The following DNTT variants were observed in gnomAD, a reference collection of about 807,000 sequenced individuals.
DNTT encodes the protein nucleosidetriphosphate:DNA deoxynucleotidylexotransferase.
Under a neutral mutation model 60.9 loss-of-function variants are expected in DNTT, and 47 were observed. The ratio of observed to expected loss-of-function variants is 0.77; its 90% CI spans 0.61 to 0.98. DNTT has a LOEUF of 0.98. DNTT is among the 50% of genes least tolerant of loss of function. The pLI, the probability that DNTT is intolerant of heterozygous loss-of-function variation, is 0.00. For missense variants in DNTT, 665 were observed against 627.5 expected, an observed-to-expected ratio of 1.06 and a Z score of -0.64; for synonymous variants, 224 against 221.2, an observed-to-expected ratio of 1.01 and a Z score of -0.11.
At chr10:96,328,513 C>CA (rs1844964865) in intron 7 of DNTT, among the ~76,000 whole-genome samples, 1 of 152,028 alleles carries the variant, frequency 6.6e-6, no homozygotes, top group South Asian at 2.1e-4. Flanking sequence ...TATACATAAT[C>CA]AGATACATGC....
intron 9 of DNTT, among the ~76,000 whole-genome samples, chr10:96,333,266 G>T (rs1019071181): frequency 6.6e-6 from 1 of 152,174 alleles, no homozygotes; most frequent in Admixed American, 6.5e-5. Flanking sequence ...ACCACAATAA[G>T]ATGTTATCTC....
chr10:96,333,984 A>G (rs975088973), intron 9 of DNTT, among the ~76,000 whole-genome samples: 1 of 152,248 alleles, frequency 6.6e-6, no homozygotes, highest in Admixed American at 6.5e-5. Flanking sequence ...TGTTCTTACC[A>G]CAAAGAAATG....
At chr10:96,307,699 G>GTA (rs1483322695) in intron 1 of DNTT, among the ~76,000 whole-genome samples, 1,467 of 68,694 alleles carry the variant, frequency 0.021, 16 homozygotes, top group East Asian at 0.038. Context: ...ATGTGTGTGT[G>GTA]TGTGTGTATA....
At chr10:96,326,197 C>T (rs963317717) in intron 6 of DNTT, among the ~76,000 whole-genome samples, 5 of 152,236 alleles carry the variant, frequency 3.3e-5, no homozygotes, top group South Asian at 2.1e-4. Flanking sequence ...GTGAGTTGTA[C>T]TTTGAATATT....
chr10:96,320,938 GTCTCTCTCTCTC>G (rs57273993), intron 4 of DNTT, 150 bp downstream of exon 4: 52,518 of 468,806 alleles, frequency 0.11, no homozygotes, highest in Middle Eastern at 0.14. Flanking sequence ...TCTCTCCTCT[GTCTCTCTCTCTC>G]TCTCTCTCTC....
At chr10:96,327,980 C>A (rs1844958464) in intron 7 of DNTT, among the ~76,000 whole-genome samples, 1 of 152,196 alleles carries the variant, frequency 6.6e-6, no homozygotes, top group Non-Finnish European at 1.5e-5. Context: ...TGAGTACCTG[C>A]AAAGCCCTTG....
At chr10:96,314,665 G>A (rs2133985563) in intron 1 of DNTT, among the ~76,000 whole-genome samples, 1 of 151,860 alleles carries the variant, frequency 6.6e-6, no homozygotes, top group African/African-American at 2.4e-5. Flanking sequence ...GCCCCCCTCA[G>A]CCTCCCAAAG....
chr10:96,334,273 C>T (rs1055823577), intron 9 of DNTT, among the ~76,000 whole-genome samples: 2 of 152,104 alleles, frequency 1.3e-5, no homozygotes, highest in Non-Finnish European at 1.5e-5. Flanking sequence ...AAAATGAGGA[C>T]GATGACCTTA....
chr10:96,320,575 G>A (rs2133988727), intron 3 of DNTT, 43 bp from the exon 4 acceptor site: 1 of 1,606,080 alleles, frequency 6.2e-7, no homozygotes, highest in South Asian at 1.1e-5. Flanking sequence ...CTGGCTCAGG[G>A]GCTTGGAAGC....
chr10:96,324,186 T>G, intron 5 of DNTT, 80 bp from the exon 6 acceptor site: 5 of 1,490,542 alleles, frequency 3.4e-6, no homozygotes, highest in African/African-American at 1.4e-5. Context: ...CTTCATTGCC[T>G]GAGACCTAGA....
chr10:96,332,337 C>T lies in DNTT; in HGVS notation c.1114-14C>T, dbSNP rs1671545413. On this transcript the variant is annotated splice_polypyrimidine_tract_variant and intron_variant, in intron 8 of 10. Transcript: ENST00000371174. ...ATCAGGGCCTTTTCCTGATGCCATT[C>T]TGTTTCTTTTCAGGGATTACTTTTA... 10 of 1,610,054 alleles carry T rather than the reference C, an allele frequency of 6.2e-6. No homozygotes were observed. The highest frequency in any genetic ancestry group is 8.5e-6 in the Non-Finnish European group (10 of 1,177,136).
Position 96,309,823 on chromosome 10 carries a change from T to C in DNTT, c.203+5123T>C, listed in dbSNP as rs540896092. Among the ~76,000 whole-genome samples, 147 of 152,358 alleles carry C rather than the reference T, an allele frequency of 9.6e-4. 1 individual carries two copies. Among genetic ancestry groups the C allele is most frequent in the African/African-American group, 3.5e-3 (144 of 41,584 alleles). Reference sequence around the variant, plus strand: ...TGCCAGGAGAATGTCCTGTTTATTCTAGCCAAAGGCAGGCAACAGGGAGCT... The same window carrying C: ...TGCCAGGAGAATGTCCTGTTTATTCCAGCCAAAGGCAGGCAACAGGGAGCT... On this transcript the variant is annotated intron_variant, in intron 1 of 10. Transcript: ENST00000371174.
At chr10:96,307,713 A>G (rs1403364554) in intron 1 of DNTT, among the ~76,000 whole-genome samples, 1 of 128,794 alleles carries the variant, frequency 7.8e-6, no homozygotes, top group African/African-American at 3.5e-5. Flanking sequence ...GTGTATATAT[A>G]TATATATATA....
chr10:96,336,706 G>A (rs1023349162), intron 10 of DNTT, among the ~76,000 whole-genome samples: 10 of 152,134 alleles, frequency 6.6e-5, no homozygotes, highest in African/African-American at 2.4e-4. Flanking sequence ...CAGCACTTTG[G>A]GAGGCCGAGG....
At position 96,338,226 on chromosome 10, in the gene DNTT, A is replaced by G; in HGVS notation, c.*2A>G. On this transcript the variant is annotated 3_prime_UTR_variant, in exon 11 of 11. Transcript: ENST00000371174. ...GAACCGTGGGAAAGAAATGCCTAGG[A>G]AAGTGTTGTCAACATTTTTTTCCTA... The G allele has an allele frequency of 6.2e-7, 1 of 1,603,420 alleles. No homozygotes were observed.
chr10:96,318,478 C>T lies in DNTT; in HGVS notation c.330C>T (p.Cys110=), dbSNP rs769314325. The T allele has an allele frequency of 1.7e-5, 27 of 1,613,718 alleles. 1 individual carries two copies. The highest frequency in any genetic ancestry group is 9.9e-5 in the South Asian group (9 of 91,042). Residue 110 remains cysteine, a synonymous_variant, in exon 2 of 11, where the codon TGC becomes TGT. Transcript: ENST00000371174. ...TCGATGTCTCCTGGCTGATCGAATG[C>T]ATAAGAGCAGGGAAACCGGTGGAAA... ...ELLDVSWLIE[C]IRAGKPVEMT... is the part of the protein sequence containing the mutation.
At chr10:96,322,782 C>T in intron 5 of DNTT, 54 bp downstream of exon 5, 3 of 1,431,304 alleles carry the variant, frequency 2.1e-6, no homozygotes, top group Non-Finnish European at 2.9e-6. Flanking sequence ...AATCTTATTA[C>T]TTATTCTGGC....
intron 10 of DNTT, 102 bp downstream of exon 10, chr10:96,336,076 T>G (rs977004609): frequency 8.8e-7 from 1 of 1,136,822 alleles, no homozygotes; most frequent in Non-Finnish European, 1.3e-6. Flanking sequence ...TATGGTTTCC[T>G]TTGTCATGCG....
rs1844915245 is a variant in DNTT, at chr10:96,324,344, G to A, written c.829G>A (p.Val277Ile). 2.5e-6 allele frequency: 4 copies of A among 1,613,786 alleles called. No homozygotes were observed. The Admixed American group carries it at 5.0e-5, about 20-fold the overall frequency. ...FRMGFRTLSK[V>I]RSDKSLKFTR... Reference sequence around the variant, plus strand: ...GATGGGTTTCAGAACTCTGAGTAAAGTAAGGTCGGACAAAAGCCTGAAATT... The same window carrying A: ...GATGGGTTTCAGAACTCTGAGTAAAATAAGGTCGGACAAAAGCCTGAAATT... Residue 277 changes from valine to isoleucine, a missense_variant, in exon 6 of 11, where the codon GTA becomes ATA. Transcript: ENST00000371174.
Sources: allele counts gnomAD v4.1 joint callset (sites outside exome capture counted in the v4.1 genomes callset), GRCh38; gene constraint gnomAD v4.1.1; transcripts MANE v1.5; gene names NCBI Gene and HGNC (gene_info 2026-07-23, HGNC 2026-07-21).